Variants in IFT88 observed in about 807,000 individuals in gnomAD.
IFT88 encodes the protein intraflagellar transport protein 88 homolog.
A neutral mutation model predicts 119.5 loss-of-function variants in IFT88; 74 were observed. The ratio of observed to expected loss-of-function variants is 0.62; its 90% confidence interval spans 0.51 to 0.75. IFT88 has a LOEUF of 0.75. Ranked by LOEUF, IFT88 falls within the 30% of genes least tolerant of loss-of-function variation. The pLI is 0.00. For missense variants in IFT88, 961 were observed against 977.7 expected, an observed-to-expected ratio of 0.98 and a Z score of 0.23; for synonymous variants, 279 against 316.7, an observed-to-expected ratio of 0.88 and a Z score of 1.26.
At chr13:20,660,603 G>C (rs1398946634) in intron 22 of IFT88, among the ~76,000 whole-genome samples, 2 of 152,200 alleles carry the variant, frequency 1.3e-5, no homozygotes, top group Non-Finnish European at 2.9e-5. Flanking sequence ...TTTAGCAGTG[G>C]AGGTGGGCAG....
At chr13:20,591,749 A>G (rs2040723534) in intron 6 of IFT88, 68 bp downstream of exon 6, 1 of 972,034 alleles carries the variant, frequency 1.0e-6, no homozygotes, top group Non-Finnish European at 1.6e-6. Flanking sequence ...TTGTGATATA[A>G]ATATTACTGT....
intron 20 of IFT88, among the ~76,000 whole-genome samples, chr13:20,650,455 G>C (rs1388089427): frequency 2.0e-5 from 3 of 152,138 alleles, no homozygotes; most frequent in Non-Finnish European, 4.4e-5. Flanking sequence ...ATCAGGAATA[G>C]AAAGAACTTC....
intron 11 of IFT88, among the ~76,000 whole-genome samples, chr13:20,600,051 T>TG (rs1487737700): frequency 6.6e-6 from 1 of 152,136 alleles, no homozygotes; most frequent in Non-Finnish European, 1.5e-5. Context: ...GTGATAACTG[T>TG]GGGGACATAG....
chr13:20,642,911 T>C (rs998804640), intron 18 of IFT88: 2 of 151,814 alleles, frequency 1.3e-5, no homozygotes, highest in African/African-American at 4.8e-5. Flanking sequence ...TTCATTTCAC[T>C]GAGATATCTA....
At chr13:20,621,526 T>TTAAAAA (rs1476682272) in intron 14 of IFT88, among the ~76,000 whole-genome samples, 9 of 130,792 alleles carry the variant, frequency 6.9e-5, no homozygotes, top group African/African-American at 1.6e-4. Context: ...CCTGCTGAGA[T>TTAAAAA]AAAAAAAAAA....
intron 23 of IFT88, among the ~76,000 whole-genome samples, chr13:20,665,784 T>G (rs1480751174): frequency 1.3e-5 from 2 of 152,248 alleles, no homozygotes; most frequent in Non-Finnish European, 2.9e-5. Flanking sequence ...TGAGGCACTC[T>G]AGGCAGAGCT....
chr13:20,641,474 T>A, intron 18 of IFT88, 76 bp downstream of exon 18: 1 of 846,644 alleles, frequency 1.2e-6, no homozygotes, highest in South Asian at 1.6e-5. Flanking sequence ...TTAAATAAGT[T>A]TAACTAATGA....
In IFT88 at chr13:20,584,554, CAATT is replaced by C. The variant is rs538281307; in HGVS notation, c.153+1540_153+1543del. 9.2e-5 allele frequency among the ~76,000 whole-genome samples: 14 copies of C among 152,076 alleles called. No individual in the cohort carries two copies. The South Asian group carries it at 1.5e-3, about 16-fold the overall frequency. Reference sequence around the variant, plus strand: ...CCTTGTATTAATATTAATTAATACTCAATTAATTTTCTACGAGTACATGAATTGC... The same window carrying C: ...CCTTGTATTAATATTAATTAATACTCAATTTTCTACGAGTACATGAATTGC... On this transcript the variant is annotated intron_variant, in intron 3 of 25. Transcript: ENST00000351808.
At chr13:20,673,768 C>CCTTT (rs1186850272) in intron 24 of IFT88, among the ~76,000 whole-genome samples, 2 of 152,156 alleles carry the variant, frequency 1.3e-5, no homozygotes, top group Non-Finnish European at 2.9e-5. Context: ...AATCTATTTT[C>CCTTT]CTTTCTTTCT....
At chr13:20,666,582 T>C (rs2054726321) in intron 23 of IFT88, among the ~76,000 whole-genome samples, 1 of 152,238 alleles carries the variant, frequency 6.6e-6, no homozygotes. Context: ...GGAAAAAATG[T>C]TTATTTTCTC....
At chr13:20,597,771 T>TATA (rs377601043) in intron 9 of IFT88, among the ~76,000 whole-genome samples, 158 of 141,952 alleles carry the variant, frequency 1.1e-3, no homozygotes, top group South Asian at 3.3e-3. Flanking sequence ...ATATATATAT[T>TATA]TTTTTTTTGA....
Position 20,593,768 on chromosome 13 carries a change from G to C in IFT88, c.398+1364G>C, listed in dbSNP as rs1479451493. ...ATGTTTAAAAAAAAGTAAGGACACA[G>C]GCCGGGCGTGGTGGCTCATGCCTAT... On this transcript the variant is annotated intron_variant, in intron 7 of 25. Transcript: ENST00000351808. Among the ~76,000 whole-genome samples, 5 of 152,102 alleles carry C rather than the reference G, an allele frequency of 3.3e-5. No homozygotes were observed. In the East Asian group the frequency reaches 9.6e-4, roughly 29 times the overall value.
At position 20,652,347 on chromosome 13, in the gene IFT88, A is replaced by T. The variant is rs549200754; in HGVS notation, c.1950-1529A>T. On this transcript the variant is annotated intron_variant, in intron 20 of 25. Coordinates refer to ENST00000351808, the MANE Select transcript of IFT88 (RefSeq NM_006531.5). ...CAGTAATTCAGCTCTTAATAAAAGG[A>T]TACATACTGCCAGGTGCAGTGGCTC... Among the ~76,000 whole-genome samples the T allele has an allele frequency of 2.0e-5, 3 of 152,328 alleles. No individual in the cohort carries two copies. The South Asian group carries it at 6.2e-4, about 32-fold the overall frequency.
chr13:20,606,360 T>C (rs1422222897), intron 13 of IFT88, among the ~76,000 whole-genome samples: 1 of 152,064 alleles, frequency 6.6e-6, no homozygotes, highest in East Asian at 1.9e-4. Context: ...TAGGACGGAC[T>C]ATTTGGGAAG....
intron 13 of IFT88, among the ~76,000 whole-genome samples, chr13:20,609,605 A>G (rs2044109174): frequency 1.3e-5 from 2 of 152,056 alleles, no homozygotes; most frequent in African/African-American, 4.8e-5. Context: ...TTAGCTGGGC[A>G]TGGTGGCACA....
At chr13:20,690,866 T>TG in intron 25 of IFT88, 51 bp downstream of exon 25, 1 of 1,438,070 alleles carries the variant, frequency 7.0e-7, no homozygotes, top group South Asian at 1.2e-5. Context: ...TGAAGAAGAA[T>TG]GGTGAGATGG....
intron 1 of IFT88, chr13:20,567,818 A>G (rs1187915851): frequency 7.8e-7 from 1 of 1,284,984 alleles, no homozygotes; most frequent in African/African-American, 1.5e-5. Context: ...TCTAAGCCTA[A>G]AATTACACTT....
chr13:20,597,770 T>TATATATATATATATATATATA (rs373031113), intron 9 of IFT88, among the ~76,000 whole-genome samples: 1 of 142,412 alleles, frequency 7.0e-6, no homozygotes, highest in South Asian at 2.2e-4. Context: ...TATATATATA[T>TATATATATATATATATATATA]TTTTTTTTTG....
chr13:20,682,079 G>A (rs1369999964), intron 24 of IFT88, among the ~76,000 whole-genome samples: 4 of 152,216 alleles, frequency 2.6e-5, no homozygotes, highest in Non-Finnish European at 5.9e-5. Context: ...ATAAAGTCCT[G>A]TTGTGTTAGT....
Sources: allele counts gnomAD v4.1 joint callset (sites outside exome capture counted in the v4.1 genomes callset), GRCh38; gene constraint gnomAD v4.1.1; transcripts MANE v1.5; gene names NCBI Gene and HGNC (gene_info 2026-07-23, HGNC 2026-07-21).